The following NCOA1 variants were observed in gnomAD, a reference collection of about 807,000 sequenced individuals.
The protein encoded by NCOA1 is Hin-2 protein.
In NCOA1, 35 loss-of-function variants were observed where a neutral mutation model predicts 150.9. That is an observed-to-expected ratio of 0.23 (90% CI 0.18 to 0.31). The LOEUF (loss-of-function observed/expected upper bound fraction) is 0.31. NCOA1 is among the 10% of genes least tolerant of loss of function. The pLI is 1.00. For missense variants in NCOA1, 1,491 were observed against 1,749.3 expected (o/e 0.85, Z 2.63); for synonymous variants, 590 against 630.0 (o/e 0.94, Z 0.95).
chr2:24,629,809 C>CAGACAT (rs1669605981), intron 3 of NCOA1, among the ~76,000 whole-genome samples: 4 of 97,378 alleles, frequency 4.1e-5, no homozygotes, highest in African/African-American at 4.5e-5. Flanking sequence ...TTTTAAGTAA[C>CAGACAT]ATACATACAT....
At chr2:24,639,936 A>G (rs1380032034) in intron 3 of NCOA1, among the ~76,000 whole-genome samples, 1,224 of 28,796 alleles carry the variant, frequency 0.043, 131 homozygotes, top group East Asian at 0.24. Flanking sequence ...ATATATATAT[A>G]TATATATATA....
At chr2:24,606,427 G>C (rs1400421986) in intron 3 of NCOA1, among the ~76,000 whole-genome samples, 2 of 152,062 alleles carry the variant, frequency 1.3e-5, no homozygotes, top group African/African-American at 4.8e-5. Context: ...AGTAGGGACA[G>C]AGTTTCACCA....
intron 1 of NCOA1, among the ~76,000 whole-genome samples, chr2:24,558,130 C>T (rs1666147482): frequency 6.6e-6 from 1 of 151,852 alleles, no homozygotes; most frequent in African/African-American, 2.4e-5. Flanking sequence ...CTCTTGAATA[C>T]TCCAAACTGT....
intron 3 of NCOA1, among the ~76,000 whole-genome samples, chr2:24,616,205 G>A (rs1278872832): frequency 2.0e-5 from 3 of 152,100 alleles, no homozygotes; most frequent in Non-Finnish European, 2.9e-5. Context: ...ATTTGTATGT[G>A]GGGTGAATTT....
chr2:24,501,261 T>A (rs2148075058), intron 1 of NCOA1, among the ~76,000 whole-genome samples: 1 of 152,348 alleles, frequency 6.6e-6, no homozygotes. Flanking sequence ...TAACATTTTT[T>A]CAGCTATGAT....
chr2:24,757,594 GAT>G lies in NCOA1; in HGVS notation c.3882-366_3882-365del, dbSNP rs147314212. ...ATTCATTCAGTGAACATTTATTGAA[GAT>G]ATATATATATATGTATATATATGCC... On this transcript the variant is annotated intron_variant, in intron 20 of 22. Transcript: ENST00000348332. Among the ~76,000 whole-genome samples the G allele has an allele frequency of 1.0e-4, 15 of 150,712 alleles. No individual in the cohort carries two copies. The South Asian group carries it at 1.3e-3, about 13-fold the overall frequency.
chr2:24,674,600 T>A (rs1671825418), intron 7 of NCOA1, among the ~76,000 whole-genome samples: 1 of 152,138 alleles, frequency 6.6e-6, no homozygotes, highest in African/African-American at 2.4e-5. Context: ...AGGGTAATAT[T>A]ATAATGTATT....
In NCOA1 at chr2:24,649,113, A is replaced by G. The variant is rs1227240912; in HGVS notation, c.-18+4991A>G. Among the ~76,000 whole-genome samples the G allele has an allele frequency of 2.0e-5, 3 of 152,046 alleles. No individual in the cohort carries two copies. In the East Asian group the frequency reaches 5.8e-4, roughly 29 times the overall value. ...ATTTATTTATTTTATTTTTTTAAAAAGAGACATAGTCTGTCTGTGTAGCCA... is the reference window on the plus strand; with the variant it reads ...ATTTATTTATTTTATTTTTTTAAAAGGAGACATAGTCTGTCTGTGTAGCCA... On this transcript the variant is annotated intron_variant, in intron 4 of 22. Coordinates refer to ENST00000348332, the MANE Select transcript of NCOA1 (RefSeq NM_003743.5).
At chr2:24,492,910 G>A (rs1397927510) in intron 1 of NCOA1, among the ~76,000 whole-genome samples, 8 of 150,492 alleles carry the variant, frequency 5.3e-5, no homozygotes, top group Non-Finnish European at 7.4e-5. Flanking sequence ...GGATCTCAAG[G>A]GTTAAATTTG....
intron 3 of NCOA1, among the ~76,000 whole-genome samples, chr2:24,606,403 AT>A (rs1668367012): frequency 6.6e-6 from 1 of 151,780 alleles, no homozygotes; most frequent in African/African-American, 2.4e-5. Context: ...TGCCCAGCTA[AT>A]TTTTGTATTT....
chr2:24,577,215 C>G (rs1667025159), intron 2 of NCOA1, among the ~76,000 whole-genome samples: 1 of 146,240 alleles, frequency 6.8e-6, no homozygotes, highest in African/African-American at 2.5e-5. Context: ...TCTTGCTTTT[C>G]TCTACTCAAA....
intron 1 of NCOA1, among the ~76,000 whole-genome samples, chr2:24,546,058 T>C (rs950406547): frequency 6.6e-6 from 1 of 152,266 alleles, no homozygotes; most frequent in African/African-American, 2.4e-5. Flanking sequence ...CAAAGTGCTG[T>C]GATTACAGGC....
chr2:24,722,906 C>T (rs1674421600), intron 14 of NCOA1, among the ~76,000 whole-genome samples: 1 of 141,702 alleles, frequency 7.1e-6, no homozygotes, highest in Admixed American at 7.9e-5. Flanking sequence ...AGGAGGATCA[C>T]TTGAACCCAA....
chr2:24,528,053 A>C (rs1664724215), intron 1 of NCOA1, among the ~76,000 whole-genome samples: 1 of 152,116 alleles, frequency 6.6e-6, no homozygotes, highest in Admixed American at 6.6e-5. Flanking sequence ...GTTCTTTATA[A>C]ATTTTGGATA....
intron 6 of NCOA1, among the ~76,000 whole-genome samples, chr2:24,666,300 C>T (rs1453511952): frequency 6.6e-6 from 1 of 151,998 alleles, no homozygotes; most frequent in Non-Finnish European, 1.5e-5. Context: ...AGGCGTGAGC[C>T]ACCGCACCTG....
At position 24,745,150 on chromosome 2, in the gene NCOA1, C is replaced by T. The variant is rs1046327586; in HGVS notation, c.3706+2964C>T. On this transcript the variant is annotated intron_variant, in intron 19 of 22. Coordinates refer to ENST00000348332, the MANE Select transcript of NCOA1 (RefSeq NM_003743.5). ...AGAATCAGACTTTAGAAATTGTTTT[C>T]TTTTTTCTTTTTTTTTTTTTTTTTT... 9.7e-5 allele frequency among the ~76,000 whole-genome samples: 14 copies of T among 144,292 alleles called. No homozygotes were observed. The East Asian group carries it at 1.4e-3, about 15-fold the overall frequency. The allele number at this position is 144,292 out of a possible 152,430, so 94.7% of individuals were successfully genotyped here.
chr2:24,578,888 A>AT (rs1667092188), intron 2 of NCOA1, among the ~76,000 whole-genome samples: 1 of 152,156 alleles, frequency 6.6e-6, no homozygotes, highest in South Asian at 2.1e-4. Flanking sequence ...AACAGTGAAA[A>AT]TTTTGATATA....
Position 24,729,820 on chromosome 2 carries a change from G to A in NCOA1, c.3201+5G>A. The A allele has an allele frequency of 3.7e-6, 6 of 1,607,354 alleles. No individual in the cohort carries two copies. Among genetic ancestry groups the A allele is most frequent in the Non-Finnish European group, 5.1e-6 (6 of 1,176,346 alleles). On this transcript the variant is annotated splice_donor_5th_base_variant and intron_variant, in intron 17 of 22. Transcript: ENST00000348332. ...CGATTACAGGGACAACAGCAGGTAAGTGCTCTTGTTTAGCAGTTGATACTT... is the reference window on the plus strand; with the variant it reads ...CGATTACAGGGACAACAGCAGGTAAATGCTCTTGTTTAGCAGTTGATACTT...
At chr2:24,681,197 C>T (rs1247877556) in intron 7 of NCOA1, among the ~76,000 whole-genome samples, 1 of 152,118 alleles carries the variant, frequency 6.6e-6, no homozygotes, top group Non-Finnish European at 1.5e-5. Context: ...AACCCCATCT[C>T]TACTAAAAAT....
Sources: gnomAD v4.1 joint callset for allele counts (sites outside exome capture counted in the v4.1 genomes callset) on GRCh38, gnomAD v4.1.1 for gene constraint, MANE v1.5 for transcripts, NCBI Gene and HGNC (gene_info 2026-07-23, HGNC 2026-07-21) for gene names.